RARS2: variants seen among roughly 807,000 people sequenced by gnomAD.
The protein encoded by RARS2 is arginyl-tRNA synthetase 2, mitochondrial.
A neutral mutation model predicts 88.5 loss-of-function variants in RARS2; 67 were observed. That is an observed-to-expected ratio of 0.76 (90% confidence interval 0.62 to 0.93). The LOEUF (loss-of-function observed/expected upper bound fraction) is 0.93. RARS2 is among the 40% of genes least tolerant of loss of function. The pLI is 0.00. For synonymous variants in RARS2, 239 were observed against 230.3 expected (o/e 1.04, Z -0.34); for missense variants, 664 against 684.2 (o/e 0.97, Z 0.33).
chr6:87,549,552 TAA>T (rs34784229), intron 5 of RARS2, among the ~76,000 whole-genome samples: 2 of 139,898 alleles, frequency 1.4e-5, no homozygotes, highest in Non-Finnish European at 1.6e-5. Flanking sequence ...TCTGTAAAAT[TAA>T]AAAAAAAAAA....
intron 1 of RARS2, among the ~76,000 whole-genome samples, chr6:87,577,454 C>A (rs1488867071): frequency 6.6e-6 from 1 of 152,166 alleles, no homozygotes; most frequent in Non-Finnish European, 1.5e-5. Context: ...GCCCTAGCCT[C>A]CCAAAGTGCT....
chr6:87,565,570 C>A (rs2128177962), intron 2 of RARS2, among the ~76,000 whole-genome samples: 1 of 152,292 alleles, frequency 6.6e-6, no homozygotes, highest in East Asian at 1.9e-4. Flanking sequence ...CCTTTCCCTA[C>A]AAAATAAGAC....
At position 87,584,660 on chromosome 6, in the gene RARS2, T is replaced by C. The variant is rs544002646; in HGVS notation, c.36+5262A>G. ...TAAGCAGGTCTATACAAATCTACCC[T>C]CAAAAGACTGAGGATGCTGAGAGAC... On this transcript the variant is annotated intron_variant, in intron 1 of 19. Coordinates refer to ENST00000369536, the MANE Select transcript of RARS2 (RefSeq NM_020320.5). 16 of 460,026 alleles carry C rather than the reference T, an allele frequency of 3.5e-5. 1 individual carries two copies. Among genetic ancestry groups the C allele is most frequent in the South Asian group, 2.5e-4 (16 of 64,256 alleles). The allele number at this position is 460,026 out of a possible 1,614,324, so 28.5% of individuals were successfully genotyped here.
chr6:87,525,389 A>G (rs1204573198), intron 10 of RARS2, among the ~76,000 whole-genome samples: 1 of 152,196 alleles, frequency 6.6e-6, no homozygotes, highest in East Asian at 1.9e-4. Context: ...TGCAGGCAAC[A>G]TAATCTTTTT....
chr6:87,571,316 G>T (rs528628291), intron 1 of RARS2, among the ~76,000 whole-genome samples: 2 of 152,170 alleles, frequency 1.3e-5, no homozygotes, highest in South Asian at 4.1e-4. Flanking sequence ...TGCAACGATT[G>T]TAAGTTTCCT....
In RARS2 at chr6:87,520,244, G is replaced by C. The variant is rs1554176898; in HGVS notation, c.1048C>G (p.Gln350Glu). ...DTMIYVTDKG[Q>E]KKHFQQVFQM... ...AATACTTGCTGAAAATGCTTTTTTTGTCCTTTATCTGTCTTGGGAAGAAAA... is the reference window on the plus strand; with the variant it reads ...AATACTTGCTGAAAATGCTTTTTTTCTCCTTTATCTGTCTTGGGAAGAAAA... The change falls in exon 13 of 20, where the codon CAA becomes GAA. Residue 350 changes from glutamine (Q) to glutamate (E), a missense_variant. By Grantham distance (29) the Gln-to-Glu change is conservative (BLOSUM62 2). Coordinates refer to ENST00000369536, the MANE Select transcript of RARS2 (RefSeq NM_020320.5). 6 of 1,609,378 alleles carry C rather than the reference G, an allele frequency of 3.7e-6. No individual in the cohort carries two copies. The highest frequency in any genetic ancestry group is 5.1e-6 in the Non-Finnish European group (6 of 1,176,286).
At chr6:87,535,671 G>GTTTTTTTTTT in intron 8 of RARS2, among the ~76,000 whole-genome samples, 1 of 129,970 alleles carries the variant, frequency 7.7e-6, no homozygotes, top group Non-Finnish European at 1.6e-5. Context: ...TTATGTAACT[G>GTTTTTTTTTT]TTTTGTTTTT....
intron 6 of RARS2, among the ~76,000 whole-genome samples, chr6:87,545,995 T>C (rs973127813): frequency 1.3e-5 from 2 of 151,980 alleles, no homozygotes; most frequent in African/African-American, 4.8e-5. Context: ...TTCTAGTCAA[T>C]TTCAAGAAGA....
rs372874949 is a variant in RARS2 at position 87,562,686 on chromosome 6, A to G, written c.297+16T>C. On this transcript the variant is annotated intron_variant, in intron 4 of 19. Transcript: ENST00000369536. Reference sequence around the variant, plus strand: ...CAGAATGAAAGCACAATGGCTGGATATTAACTTATTCTTACCTTTGTTAAG... The same window carrying G: ...CAGAATGAAAGCACAATGGCTGGATGTTAACTTATTCTTACCTTTGTTAAG... The G allele has an allele frequency of 5.8e-5, 91 of 1,567,090 alleles. No homozygotes were observed. The highest frequency in any genetic ancestry group is 5.2e-4 in the East Asian group (23 of 44,642).
chr6:87,577,886 T>C (rs998278439), intron 1 of RARS2, among the ~76,000 whole-genome samples: 1 of 152,248 alleles, frequency 6.6e-6, no homozygotes, highest in Admixed American at 6.5e-5. Context: ...ATTTCTTTTC[T>C]TACTGTAAAA....
At chr6:87,567,025 C>G (rs1428910420) in intron 2 of RARS2, among the ~76,000 whole-genome samples, 1 of 151,990 alleles carries the variant, frequency 6.6e-6, no homozygotes, top group Non-Finnish European at 1.5e-5. Context: ...ATCCTTCTAC[C>G]TTGGCCTCCC....
chr6:87,585,432 T>A (rs1225473311), intron 1 of RARS2, among the ~76,000 whole-genome samples: 1 of 152,212 alleles, frequency 6.6e-6, no homozygotes, highest in South Asian at 2.1e-4. Flanking sequence ...AGGTTGCCAG[T>A]TAGAAATAAA....
chr6:87,514,585 T>A, intron 19 of RARS2, 86 bp from the exon 20 acceptor site: 1 of 1,205,606 alleles, frequency 8.3e-7, no homozygotes, highest in Admixed American at 1.9e-5. Context: ...GGTTATTCTT[T>A]CTAGTTTAAA....
intron 1 of RARS2, among the ~76,000 whole-genome samples, chr6:87,587,372 T>C (rs1457790393): frequency 1.3e-5 from 2 of 152,220 alleles, no homozygotes; most frequent in African/African-American, 4.8e-5. Context: ...TTTTTCCCCA[T>C]GTCCTAACGT....
chr6:87,554,803 A>G (rs752119036), intron 5 of RARS2, among the ~76,000 whole-genome samples: 1 of 152,102 alleles, frequency 6.6e-6, no homozygotes, highest in African/African-American at 2.4e-5. Flanking sequence ...TTAACAGTCT[A>G]TTAAAGTAAA....
intron 5 of RARS2, among the ~76,000 whole-genome samples, chr6:87,551,596 C>A (rs2128134573): frequency 7.7e-6 from 1 of 129,800 alleles, no homozygotes; most frequent in East Asian, 2.3e-4. Context: ...TGCACTCCAG[C>A]CTGAGCGAGA....
At chr6:87,544,374 G>C (rs1166985811) in intron 7 of RARS2, among the ~76,000 whole-genome samples, 3 of 152,216 alleles carry the variant, frequency 2.0e-5, no homozygotes, top group Non-Finnish European at 4.4e-5. Context: ...CTTCTTATGT[G>C]ACAAGCACTG....
At chr6:87,514,911 G>A (rs1181687860) in intron 19 of RARS2, 46 bp downstream of exon 19, 1 of 1,463,890 alleles carries the variant, frequency 6.8e-7, no homozygotes, top group Non-Finnish European at 9.6e-7. Context: ...AGTAATATTA[G>A]TCTCAGGAGC....
intron 1 of RARS2, among the ~76,000 whole-genome samples, chr6:87,579,315 G>A (rs992926578): frequency 3.3e-5 from 5 of 152,108 alleles, no homozygotes; most frequent in Non-Finnish European, 4.4e-5. Flanking sequence ...GTGGGCTCTG[G>A]GCAGAAGGAT....
Sources: gnomAD v4.1 joint callset for allele counts (sites outside exome capture counted in the v4.1 genomes callset) on GRCh38, gnomAD v4.1.1 for gene constraint, MANE v1.5 for transcripts, NCBI Gene and HGNC (gene_info 2026-07-23, HGNC 2026-07-21) for gene names.